INTS12: variants seen among roughly 807,000 people sequenced by gnomAD.
The protein encoded by INTS12 is integrator complex subunit 12.
INTS12 carries 13 observed loss-of-function variants against 41.6 expected under a neutral mutation model. The ratio of observed to expected loss-of-function variants is 0.31; its 90% CI spans 0.20 to 0.50. The LOEUF is 0.50. Ranked by LOEUF, INTS12 falls within the 20% of genes least tolerant of loss-of-function variation. The pLI, the probability that INTS12 is intolerant of heterozygous loss-of-function variation, is 0.98. For synonymous variants in INTS12, 199 were observed against 191.4 expected, an observed-to-expected ratio of 1.04 and a Z score of -0.33; for missense variants, 432 against 541.6, an observed-to-expected ratio of 0.80 and a Z score of 2.01.
intron 4 of INTS12, 91 bp from the exon 5 acceptor site, chr4:105,693,577 T>A: frequency 1.0e-6 from 1 of 1,001,860 alleles, no homozygotes; most frequent in Non-Finnish European, 1.5e-6. Context: ...CAATTGGCAA[T>A]GAACAAGTCC....
In INTS12 at chr4:105,687,420, A is replaced by G. The variant is rs190835456; in HGVS notation, c.658-582T>C. On this transcript the variant is annotated intron_variant, in intron 6 of 7. Transcript: ENST00000340139. ...AATAAATACAAATTTCTATGTTATG[A>G]AAGAATTTTCACCCACTATTATTTT... 2.7e-3 allele frequency among the ~76,000 whole-genome samples: 417 copies of G among 152,338 alleles called. 1 individual carries two copies. Among genetic ancestry groups the G allele is most frequent in the Non-Finnish European group, 4.7e-3 (322 of 68,030 alleles).
chr4:105,698,066 A>G (rs1205944730), intron 3 of INTS12, among the ~76,000 whole-genome samples: 3 of 152,166 alleles, frequency 2.0e-5, no homozygotes, highest in Non-Finnish European at 2.9e-5. Flanking sequence ...AAACAACAGA[A>G]AAACAAAAAC....
intron 2 of INTS12, among the ~76,000 whole-genome samples, chr4:105,700,706 A>AACACACAT (rs1553954223): frequency 9.6e-5 from 13 of 134,810 alleles, no homozygotes; most frequent in African/African-American, 3.8e-4. Context: ...ATCTACTTAA[A>AACACACAT]ACACACACAC....
At chr4:105,690,710 T>C (rs997518342) in intron 6 of INTS12, among the ~76,000 whole-genome samples, 6 of 152,016 alleles carry the variant, frequency 3.9e-5, no homozygotes, top group Non-Finnish European at 7.4e-5. Context: ...AGAAAAAACT[T>C]GGGGGAAGAA....
chr4:105,683,102 G>A lies in INTS12; in HGVS notation c.1020C>T (p.Ser340=), dbSNP rs760589249. The A allele has an allele frequency of 3.1e-6, 5 of 1,614,092 alleles. No individual in the cohort carries two copies. Among genetic ancestry groups the A allele is most frequent in the Non-Finnish European group, 4.2e-6 (5 of 1,179,958 alleles). The part of the protein sequence containing the change: ...PVGLTGLATS[S]KGGIGSKIGS... ...CTATTTTGGAACCTATTCCACCTTTGGATGATGTTGCCAGACCAGTCAAAC... is the reference window on the plus strand; with the variant it reads ...CTATTTTGGAACCTATTCCACCTTTAGATGATGTTGCCAGACCAGTCAAAC... The change falls in exon 8 of 8, where the codon TCC becomes TCT. Residue 340 remains serine, a synonymous_variant. Coordinates refer to ENST00000340139, the MANE Select transcript of INTS12 (RefSeq NM_020395.4).
chr4:105,690,713 G>A (rs570119028), intron 6 of INTS12, among the ~76,000 whole-genome samples: 1 of 152,016 alleles, frequency 6.6e-6, no homozygotes, highest in Non-Finnish European at 1.5e-5. Context: ...AAAAACTTGG[G>A]GGAAGAACAG....
At chr4:105,706,449 G>C (rs1732266220) in intron 1 of INTS12, 1 of 151,810 alleles carries the variant, frequency 6.6e-6, no homozygotes, top group Non-Finnish European at 1.5e-5. Flanking sequence ...TTTAAGTAGA[G>C]CCAGGGTCTT....
At position 105,696,485 on chromosome 4, in the gene INTS12, C is replaced by T. The variant is rs532263000; in HGVS notation, c.157-817G>A. On this transcript the variant is annotated intron_variant, in intron 3 of 7. Transcript: ENST00000340139. ...ATATTCTTTTTTGGTCTGGCTTCTT[C>T]TACTCAGCATATTTATTTTGAGATT... 1.1e-4 allele frequency among the ~76,000 whole-genome samples: 16 copies of T among 152,210 alleles called. No homozygotes were observed. The South Asian group carries it at 3.3e-3, about 32-fold the overall frequency.
intron 1 of INTS12, chr4:105,708,031 T>G: frequency 3.0e-6 from 3 of 985,412 alleles, no homozygotes; most frequent in Non-Finnish European, 3.6e-6. Flanking sequence ...ATAATGGCTC[T>G]AAAAAACTTT....
chr4:105,699,850 C>A lies in INTS12; in HGVS notation c.156G>T (p.Lys52Asn). The change falls in exon 3 of 8, where the codon AAG becomes AAT. Residue 52 changes from lysine (K) to asparagine (N), a missense_variant and splice_region_variant. This residue lies in a region of INTS12 where 168 missense variants were observed against 198.9 expected (regional missense o/e 0.84). Coordinates refer to ENST00000340139, the MANE Select transcript of INTS12 (RefSeq NM_020395.4). ...GIDSSYRPSQ[K>N]DVEPPKISST... is the part of the protein sequence containing the mutation. ...CCAAGCTTTTTATTCATTCAAGTAC[C>A]TTTTGAGATGGACGGTAACTGGAAT... 2 of 1,511,702 alleles carry A rather than the reference C, an allele frequency of 1.3e-6. No homozygotes were observed. The highest frequency in any genetic ancestry group is 1.8e-6 in the Non-Finnish European group (2 of 1,115,274). The allele number at this position is 1,511,702 out of a possible 1,614,324, so 93.6% of individuals were successfully genotyped here. A position where few individuals can be genotyped will look rare whatever the true frequency, so the allele number is the denominator to read the frequency against.
At chr4:105,685,351 A>T (rs1240179171) in intron 7 of INTS12, among the ~76,000 whole-genome samples, 1 of 152,148 alleles carries the variant, frequency 6.6e-6, no homozygotes, top group African/African-American at 2.4e-5. Context: ...AAATCTACTA[A>T]AAAGTGATTA....
chr4:105,697,010 T>A (rs1221200998), intron 3 of INTS12, among the ~76,000 whole-genome samples: 1 of 152,252 alleles, frequency 6.6e-6, no homozygotes, highest in East Asian at 1.9e-4. Flanking sequence ...GTAAACTATT[T>A]GATAAAATAT....
At chr4:105,699,557 TA>T (rs997218551) in intron 3 of INTS12, among the ~76,000 whole-genome samples, 10 of 151,948 alleles carry the variant, frequency 6.6e-5, no homozygotes, top group Admixed American at 2.0e-4. Flanking sequence ...TTCAGCAGCT[TA>T]AAAAAAATTC....
chr4:105,684,136 C>T (rs535203215), intron 7 of INTS12, among the ~76,000 whole-genome samples: 15 of 152,258 alleles, frequency 9.9e-5, no homozygotes, highest in Admixed American at 3.9e-4. Flanking sequence ...AACACTTCAA[C>T]TTCTCTGATT....
At position 105,689,739 on chromosome 4, in the gene INTS12, C is replaced by T. The variant is rs532377077; in HGVS notation, c.657+2237G>A. Among the ~76,000 whole-genome samples the T allele has an allele frequency of 3.3e-5, 5 of 151,636 alleles. No homozygotes were observed. The South Asian group carries it at 6.2e-4, about 19-fold the overall frequency. ...GCAATGTAGCAAGACTCCATCTCTA[C>T]AAAAAATAAAAAAAAAATTAGCTAG... On this transcript the variant is annotated intron_variant, in intron 6 of 7. Coordinates refer to ENST00000340139, the MANE Select transcript of INTS12 (RefSeq NM_020395.4).
intron 5 of INTS12, among the ~76,000 whole-genome samples, chr4:105,692,342 G>C (rs552127986): frequency 2.9e-4 from 44 of 151,748 alleles, no homozygotes; most frequent in African/African-American, 1.1e-3. Context: ...AAATCAGCTG[G>C]GCATGGTGGT....
intron 2 of INTS12, chr4:105,703,108 C>T (rs1450626526): frequency 1.4e-6 from 1 of 736,244 alleles, no homozygotes; most frequent in Non-Finnish European, 1.7e-6. Context: ...CATTCCTAAA[C>T]CCATGGCCAA....
At chr4:105,695,980 T>C (rs978622976) in intron 3 of INTS12, among the ~76,000 whole-genome samples, 1 of 152,042 alleles carries the variant, frequency 6.6e-6, no homozygotes, top group African/African-American at 2.4e-5. Flanking sequence ...CAGCCTCCCG[T>C]GTATCTGGGA....
intron 1 of INTS12, among the ~76,000 whole-genome samples, chr4:105,704,435 G>A (rs1396468659): frequency 2.0e-5 from 3 of 152,182 alleles, no homozygotes; most frequent in African/African-American, 7.2e-5. Context: ...CAAACTCTTG[G>A]TCTCCATTCC....
Sources: gnomAD v4.1 joint callset for allele counts (sites outside exome capture counted in the v4.1 genomes callset) on GRCh38, gnomAD v4.1.1 for gene constraint, gnomAD v4.1.1 regional missense constraint, MANE v1.5 for transcripts, NCBI Gene and HGNC (gene_info 2026-07-23, HGNC 2026-07-21) for gene names.